ROBO2: variants seen among roughly 807,000 people sequenced by gnomAD.
ROBO2 encodes the protein roundabout guidance receptor 2, also known as roundabout homolog 2.
A neutral mutation model predicts 160.8 loss-of-function variants in ROBO2; 53 were observed. The ratio of observed to expected loss-of-function variants is 0.33; its 90% CI spans 0.26 to 0.41. The LOEUF (loss-of-function observed/expected upper bound fraction) is 0.41, where lower values mean the gene tolerates loss of function less well. Among genes scored for constraint, ROBO2 ranks in the 10% least tolerant of loss-of-function variants. The pLI is 1.00. For missense variants in ROBO2, 1,577 were observed against 1,722.4 expected, an observed-to-expected ratio of 0.92 and a Z score of 1.49; for synonymous variants, 664 against 611.7, an observed-to-expected ratio of 1.09 and a Z score of -1.26.
intron 2 of ROBO2, among the ~76,000 whole-genome samples, chr3:77,448,188 G>A (rs949025669): frequency 1.3e-5 from 2 of 152,030 alleles, no homozygotes; most frequent in African/African-American, 4.8e-5. Flanking sequence ...CACCTCATGG[G>A]GCCTTGCTGA....
rs1298975123 is a variant in ROBO2 at position 77,142,589 on chromosome 3, G to T, written c.388+44249G>T. ...GGAGCCTGTTGCTTATACACACATG[G>T]AATACAAAATAAATTGTCCACGTAG... is the stretch of plus-strand genomic sequence containing the variant. On this transcript the variant is annotated intron_variant, in intron 2 of 25. Coordinates refer to ENST00000461745, the Ensembl canonical transcript of ROBO2. Among the ~76,000 whole-genome samples the T allele has an allele frequency of 3.3e-5, 5 of 152,144 alleles. No homozygotes were observed. In the East Asian group the frequency reaches 9.6e-4, roughly 29 times the overall value.
intron 2 of ROBO2, among the ~76,000 whole-genome samples, chr3:76,317,876 G>GA (rs1329901248): frequency 6.6e-6 from 1 of 151,732 alleles, no homozygotes; most frequent in East Asian, 1.9e-4. Flanking sequence ...TTTTGATAAT[G>GA]AAAAAAATGG....
rs368798450 is a variant in ROBO2, at chr3:76,680,614, A to T, written c.110-417400A>T. Among the ~76,000 whole-genome samples, 7 of 152,208 alleles carry T rather than the reference A, an allele frequency of 4.6e-5. No homozygotes were observed. The South Asian group carries it at 6.2e-4, about 14-fold the overall frequency. ...TCCTTTCCATATTCCCACATAAAAT[A>T]GTCTCAATATTTTGTGTGATATAGA... On this transcript the variant is annotated intron_variant, in intron 2 of 26. Transcript: ENST00000487694.
At chr3:76,622,524 C>T (rs1026426185) in intron 2 of ROBO2, among the ~76,000 whole-genome samples, 74 of 152,060 alleles carry the variant, frequency 4.9e-4, no homozygotes, top group Admixed American at 4.2e-3. Flanking sequence ...CCCTATCACC[C>T]ATCACTTTAT....
chr3:77,527,589 T>A (rs2091287960), intron 6 of ROBO2, among the ~76,000 whole-genome samples, 175 bp downstream of exon 7: 1 of 151,604 alleles, frequency 6.6e-6, no homozygotes. Context: ...ATAAACAATT[T>A]TGTAGTGACT....
At chr3:77,275,186 A>G (rs1354658277) in intron 2 of ROBO2, among the ~76,000 whole-genome samples, 2 of 152,140 alleles carry the variant, frequency 1.3e-5, no homozygotes, top group Non-Finnish European at 2.9e-5. Context: ...ATAGATACAA[A>G]CCAGAATATG....
At chr3:76,118,560 C>T (rs1057049119) in intron 2 of ROBO2, among the ~76,000 whole-genome samples, 1 of 152,136 alleles carries the variant, frequency 6.6e-6, no homozygotes, top group Admixed American at 6.5e-5. Flanking sequence ...ATAGTAAAAA[C>T]ACCAAGGATT....
At chr3:77,330,128 G>A (rs574186620) in intron 2 of ROBO2, among the ~76,000 whole-genome samples, 9 of 152,176 alleles carry the variant, frequency 5.9e-5, no homozygotes, top group African/African-American at 1.9e-4. Context: ...GATTTGTCCT[G>A]ATTTGGTGTC....
intron 16 of ROBO2, among the ~76,000 whole-genome samples, chr3:77,580,428 A>G (rs2093886520): frequency 6.6e-6 from 1 of 152,180 alleles, no homozygotes; most frequent in Non-Finnish European, 1.5e-5. Flanking sequence ...TATAATAAAA[A>G]TGAGATAGTT....
At chr3:76,140,404 A>G (rs558696463) in intron 2 of ROBO2, among the ~76,000 whole-genome samples, 2 of 151,926 alleles carry the variant, frequency 1.3e-5, no homozygotes, top group African/African-American at 2.4e-5. Context: ...GCACTATTTC[A>G]TTTGCCTTAT....
At chr3:76,744,909 C>A (rs1359431688) in intron 2 of ROBO2, among the ~76,000 whole-genome samples, 2 of 152,110 alleles carry the variant, frequency 1.3e-5, no homozygotes, top group African/African-American at 4.8e-5. Flanking sequence ...GCTATTTTTT[C>A]CCCTGAAAGT....
chr3:77,483,093 G>T (rs1560963159), intron 4 of ROBO2, among the ~76,000 whole-genome samples: 1 of 152,070 alleles, frequency 6.6e-6, no homozygotes, highest in Non-Finnish European at 1.5e-5. Flanking sequence ...CAAATAGATT[G>T]AATTTGTCTA....
chr3:76,947,907 TC>T (rs1253432364), intron 2 of ROBO2, among the ~76,000 whole-genome samples: 1 of 152,186 alleles, frequency 6.6e-6, no homozygotes, highest in African/African-American at 2.4e-5. Context: ...TGTTTTATAT[TC>T]AATATTGGCT....
At chr3:77,067,676 T>C (rs2149811922) in intron 1 of ROBO2, among the ~76,000 whole-genome samples, 1 of 152,312 alleles carries the variant, frequency 6.6e-6, no homozygotes, top group African/African-American at 2.4e-5. Context: ...AATTCTTTGA[T>C]GAAAGTCACA....
intron 2 of ROBO2, among the ~76,000 whole-genome samples, chr3:76,324,347 A>T (rs903454577): frequency 6.6e-6 from 1 of 152,202 alleles, no homozygotes; most frequent in African/African-American, 2.4e-5. Context: ...ATCCCAGTCA[A>T]TGTGGTTGCT....
intron 2 of ROBO2, among the ~76,000 whole-genome samples, chr3:76,327,876 G>GA (rs896111797): frequency 3.6e-4 from 53 of 147,856 alleles, no homozygotes; most frequent in Admixed American, 4.7e-4. Flanking sequence ...AGAAGAATGT[G>GA]AAAAAAAAAA....
intron 2 of ROBO2, among the ~76,000 whole-genome samples, chr3:76,237,758 A>G (rs1214833259): frequency 6.6e-6 from 1 of 152,208 alleles, no homozygotes; most frequent in Non-Finnish European, 1.5e-5. Flanking sequence ...ATAAAAAGCA[A>G]TGTGGTTAGA....
chr3:76,979,053 C>G (rs982010759), intron 2 of ROBO2, among the ~76,000 whole-genome samples: 16 of 152,084 alleles, frequency 1.1e-4, no homozygotes, highest in African/African-American at 3.9e-4. Flanking sequence ...AATGATCCCC[C>G]CATCTCAGCT....
intron 2 of ROBO2, among the ~76,000 whole-genome samples, chr3:76,472,978 CA>C (rs2078747000): frequency 6.6e-6 from 1 of 152,066 alleles, no homozygotes; most frequent in African/African-American, 2.4e-5. Context: ...AGAAGACTAT[CA>C]GTGGTGTTTA....
Sources: allele counts gnomAD v4.1 joint callset (sites outside exome capture counted in the v4.1 genomes callset), GRCh38; gene constraint gnomAD v4.1.1; transcripts MANE v1.5; gene names NCBI Gene and HGNC (gene_info 2026-07-23, HGNC 2026-07-21).